PALS1: variants seen among roughly 807,000 people sequenced by gnomAD.
PALS1 encodes the protein protein PALS1.
In PALS1, 31 loss-of-function variants were observed where a neutral mutation model predicts 78.9. The ratio of observed to expected loss-of-function variants is 0.39; its 90% confidence interval spans 0.30 to 0.53. The LOEUF (loss-of-function observed/expected upper bound fraction) is 0.53. Ranked by LOEUF, PALS1 falls within the 20% of genes least tolerant of loss-of-function variation. The pLI, the probability that PALS1 is intolerant of heterozygous loss-of-function variation, is 0.67. For synonymous variants in PALS1, 276 were observed against 270.9 expected, an observed-to-expected ratio of 1.02 and a Z score of -0.18; for missense variants, 704 against 826.5, an observed-to-expected ratio of 0.85 and a Z score of 1.82.
intron 3 of PALS1, among the ~76,000 whole-genome samples, chr14:67,281,303 A>T (rs879169610): frequency 1.3e-5 from 2 of 152,160 alleles, no homozygotes; most frequent in Admixed American, 1.3e-4. Flanking sequence ...TGTTTTAAGA[A>T]ATCATAGATA....
At chr14:67,301,585 C>G in intron 5 of PALS1, 119 bp downstream of exon 5, 1 of 556,478 alleles carries the variant, frequency 1.8e-6, no homozygotes, top group Non-Finnish European at 3.0e-6. Context: ...TTGATGTTTA[C>G]AACCCCATCT....
At chr14:67,259,169 A>G (rs2084191863) in intron 1 of PALS1, among the ~76,000 whole-genome samples, 1 of 151,920 alleles carries the variant, frequency 6.6e-6, no homozygotes, top group Admixed American at 6.6e-5. Context: ...ATTGTCATAA[A>G]TGGTACCCTG....
chr14:67,272,298 T>G (rs542915964), intron 2 of PALS1, among the ~76,000 whole-genome samples: 12 of 152,196 alleles, frequency 7.9e-5, no homozygotes, highest in Non-Finnish European at 1.5e-4. Context: ...ATTTGTACTT[T>G]CCCCTCACAC....
Position 67,321,250 on chromosome 14 carries a change from T to C in PALS1, c.1731T>C (p.Leu577=). 1 of 1,614,150 alleles carries C rather than the reference T, an allele frequency of 6.2e-7. No homozygotes were observed. Among genetic ancestry groups the C allele is most frequent in the Non-Finnish European group, 8.5e-7 (1 of 1,179,978 alleles). Residue 577 remains leucine, a synonymous_variant, in exon 13 of 15, where the codon CTT becomes CTC. Coordinates refer to ENST00000261681, the MANE Select transcript of PALS1 (RefSeq NM_022474.4). ...CTGGCAAAATATGTCTTTTAAGTCT[T>C]CGTACACAGGTAAAGCTAGAACTTT... ...INSGKICLLS[L]RTQSLKTLRN...
At chr14:67,249,944 TTAGA>T (rs2084042733) in intron 1 of PALS1, among the ~76,000 whole-genome samples, 1 of 152,234 alleles carries the variant, frequency 6.6e-6, no homozygotes, top group South Asian at 2.1e-4. Context: ...GTATCCATAT[TTAGA>T]TACTCATTTT....
chr14:67,274,436 G>A (rs1391296731), intron 2 of PALS1, among the ~76,000 whole-genome samples: 2 of 152,094 alleles, frequency 1.3e-5, no homozygotes, highest in Non-Finnish European at 2.9e-5. Context: ...GATTGTAGAT[G>A]TGTGGTACTA....
chr14:67,273,457 C>A (rs1363360679), intron 2 of PALS1, among the ~76,000 whole-genome samples: 1 of 152,074 alleles, frequency 6.6e-6, no homozygotes, highest in Non-Finnish European at 1.5e-5. Flanking sequence ...TGAACTCATC[C>A]TTTTTTATGG....
intron 1 of PALS1, chr14:67,254,160 A>G (rs1286518784): frequency 3.6e-5 from 5 of 139,506 alleles, no homozygotes; most frequent in Admixed American, 1.5e-4. Context: ...TCTGATATCT[A>G]TACTAGATTT....
chr14:67,321,293 TAGAA>T (rs1566578696), intron 13 of PALS1, 34 bp downstream of exon 13: 1 of 1,601,706 alleles, frequency 6.2e-7, no homozygotes, highest in South Asian at 1.1e-5. Context: ...GGTTTGAACT[TAGAA>T]GGAATGTCAT....
chr14:67,306,232 A>G (rs768368856), intron 8 of PALS1, among the ~76,000 whole-genome samples: 25 of 151,264 alleles, frequency 1.7e-4, no homozygotes, highest in Admixed American at 3.3e-4. Context: ...GGCCTCCCAA[A>G]GTGCTGGGAT....
intron 1 of PALS1, among the ~76,000 whole-genome samples, chr14:67,264,150 G>A (rs898341163): frequency 3.3e-5 from 5 of 152,154 alleles, no homozygotes; most frequent in African/African-American, 9.7e-5. Context: ...AAGAGTACCC[G>A]TTAAAATTGT....
At chr14:67,287,068 A>G (rs1535489) in intron 3 of PALS1, among the ~76,000 whole-genome samples, 23,478 of 151,876 alleles carry the variant, frequency 0.15, 3,425 homozygotes, top group East Asian at 0.42. Context: ...ATACAAAAAA[A>G]TTAGTTGGGT....
At chr14:67,317,053 G>T in intron 10 of PALS1, 150 bp downstream of exon 10, 1 of 622,342 alleles carries the variant, frequency 1.6e-6, no homozygotes, top group South Asian at 2.3e-5. Flanking sequence ...GTAAAGAAAG[G>T]ATAAGATTTA....
chr14:67,271,010 C>T (rs1033675908), intron 2 of PALS1: 3 of 152,088 alleles, frequency 2.0e-5, no homozygotes, highest in African/African-American at 7.2e-5. Context: ...CATGCAGGTG[C>T]GTAGTAAAAG....
chr14:67,306,121 C>T (rs1025289344), intron 8 of PALS1, among the ~76,000 whole-genome samples: 1 of 152,122 alleles, frequency 6.6e-6, no homozygotes, highest in Admixed American at 6.6e-5. Context: ...AAGTGCATGC[C>T]ACCACATCCA....
At chr14:67,294,320 C>G (rs1242213226) in intron 4 of PALS1, 1 of 152,000 alleles carries the variant, frequency 6.6e-6, no homozygotes, top group Non-Finnish European at 1.5e-5. Context: ...AGCACATAGT[C>G]AGAACTCAAC....
chr14:67,302,704 G>GACCACT, intron 7 of PALS1, 133 bp downstream of exon 7: 1 of 651,172 alleles, frequency 1.5e-6, no homozygotes, highest in Non-Finnish European at 2.3e-6. Flanking sequence ...TGATGTAACT[G>GACCACT]TTCCACAGTA....
At chr14:67,245,033 C>T (rs1469445728) in intron 1 of PALS1, among the ~76,000 whole-genome samples, 1 of 152,124 alleles carries the variant, frequency 6.6e-6, no homozygotes, top group African/African-American at 2.4e-5. Context: ...GAGAGCAGGC[C>T]ACAAACTAAG....
intron 8 of PALS1, among the ~76,000 whole-genome samples, chr14:67,304,916 T>C (rs985271173): frequency 2.0e-5 from 3 of 152,238 alleles, no homozygotes; most frequent in African/African-American, 4.8e-5. Context: ...GTTTCATTTT[T>C]CTCTCAATAT....
Sources: gnomAD v4.1 joint callset for allele counts (sites outside exome capture counted in the v4.1 genomes callset) on GRCh38, gnomAD v4.1.1 for gene constraint, MANE v1.5 for transcripts, NCBI Gene and HGNC (gene_info 2026-07-23, HGNC 2026-07-21) for gene names.